Variants in PDCL observed in about 807,000 individuals in gnomAD.
PDCL encodes the protein phosducin-like protein.
A neutral mutation model predicts 26.7 loss-of-function variants in PDCL; 11 were observed. The observed-to-expected ratio is 0.41, with a 90% CI of 0.26 to 0.68. The LOEUF is 0.68. Ranked by LOEUF, PDCL falls within the 30% of genes least tolerant of loss-of-function variation. The pLI, the probability that PDCL is intolerant of heterozygous loss-of-function variation, is 0.30. For synonymous variants in PDCL, 118 were observed against 134.9 expected (o/e 0.87, Z 0.87); for missense variants, 330 against 371.6 (o/e 0.89, Z 0.92).
intron 2 of PDCL, among the ~76,000 whole-genome samples, chr9:122,823,918 C>A (rs762324926): frequency 6.1e-4 from 93 of 152,100 alleles, no homozygotes; most frequent in African/African-American, 1.5e-3. Context: ...TACAGGCATG[C>A]GCCACCATGC....
At position 122,820,270 on chromosome 9, in the gene PDCL, C is replaced by G; in HGVS notation, c.721G>C (p.Gly241Arg). The change falls in exon 4 of 4, where the codon GGG becomes CGG. Residue 241 changes from glycine to arginine, a missense_variant. Gly to Arg is a moderately radical substitution (Grantham distance 125). Coordinates refer to ENST00000259467, the MANE Select transcript of PDCL (RefSeq NM_005388.5). ...ACAAAATTGCCGATCAATTCACCCC[C>G]CTTATAGATCAGCAGGGCAGGAAGG... ...NALPALLIYK[G>R]GELIGNFVRV... The G allele has an allele frequency of 1.2e-6, 2 of 1,614,164 alleles. No homozygotes were observed. The highest frequency in any genetic ancestry group is 1.7e-6 in the Non-Finnish European group (2 of 1,180,038).
Position 122,826,755 on chromosome 9 carries a change from C to T in PDCL, c.33G>A (p.Glu11=), listed in dbSNP as rs778145054. 28 of 1,614,116 alleles carry T rather than the reference C, an allele frequency of 1.7e-5. No individual in the cohort carries two copies. The Middle Eastern group carries it at 1.8e-3, about 105-fold the overall frequency. Reference sequence around the variant, plus strand: ...TGCTGCTATAGTAGTACTGCAGTTTCTCCCCCAGCAACTTATCATCAAGGG... The same window carrying T: ...TGCTGCTATAGTAGTACTGCAGTTTTTCCCCCAGCAACTTATCATCAAGGG... The part of the protein sequence containing the change: MTTLDDKLLG[E]KLQYYYSSSE... Residue 11 remains glutamate (E), a synonymous_variant, in exon 2 of 4, where the codon GAG becomes GAA. Coordinates refer to ENST00000259467, the MANE Select transcript of PDCL (RefSeq NM_005388.5).
chr9:122,820,896 G>A (rs1395674749), intron 3 of PDCL: 6 of 388,666 alleles, frequency 1.5e-5, no homozygotes, highest in Non-Finnish European at 2.3e-5. Flanking sequence ...ACTGGAGGCT[G>A]AGGCACAACA....
rs1181921618 is a variant in PDCL, at chr9:122,826,701, G to C, written c.87C>G (p.Asp29Glu). The stretch of plus-strand genomic sequence containing the variant: ...CTGGGGCACATCTGCCTCGGTCCTT[G>C]TCCTCGTGGTCACTGTCCTCATCCT... ...SSEDEDSDHE[D>E]KDRGRCAPAS... is the part of the protein sequence containing the mutation. The change falls in exon 2 of 4, where the codon GAC (aspartate) becomes GAG (glutamate). Residue 29 changes from aspartate (D) to glutamate (E), a missense_variant. Physicochemically the swap from Asp to Glu is conservative, Grantham distance 45 (BLOSUM62 2). Transcript: ENST00000259467. The C allele has an allele frequency of 6.2e-7, 1 of 1,614,064 alleles. No homozygotes were observed. The highest frequency in any genetic ancestry group is 8.5e-7 in the Non-Finnish European group (1 of 1,180,044).
chr9:122,820,484 C>T lies in PDCL; in HGVS notation c.507G>A (p.Gly169=). Residue 169 remains glycine (G), a synonymous_variant, in exon 4 of 4, where the codon GGG becomes GGA. Transcript: ENST00000259467. ...GTTCTTTATCAATCATGTCTAAAAA[C>T]CCTTCTCCACTGGAGATCTCAAAAA... The part of the protein sequence containing the change: ...KQVFEISSGE[G]FLDMIDKEQK... 6.2e-7 allele frequency: 1 copy of T among 1,614,112 alleles called. No individual in the cohort carries two copies.
intron 3 of PDCL, among the ~76,000 whole-genome samples, chr9:122,822,605 T>C (rs1829566746): frequency 6.6e-6 from 1 of 152,174 alleles, no homozygotes; most frequent in South Asian, 2.1e-4. Flanking sequence ...TAATGCCCTC[T>C]AAGCATTGCT....
chr9:122,825,821 G>A (rs144159634), intron 2 of PDCL, among the ~76,000 whole-genome samples: 2 of 152,262 alleles, frequency 1.3e-5, no homozygotes, highest in East Asian at 1.9e-4. Context: ...CCTATGGGAC[G>A]CTGAGGCAGA....
At chr9:122,823,346 G>A (rs1271565966) in intron 2 of PDCL, 149 bp from the exon 3 acceptor site, 2 of 757,224 alleles carry the variant, frequency 2.6e-6, no homozygotes, top group South Asian at 1.7e-5. Flanking sequence ...CTGCCACAGG[G>A]CAGAGTGGCC....
rs956368719 is a variant in PDCL at position 122,828,588 on chromosome 9, C to T, written c.-123G>A. On this transcript the variant is annotated 5_prime_UTR_variant, in exon 1 of 4. Coordinates refer to ENST00000259467, the MANE Select transcript of PDCL (RefSeq NM_005388.5). The stretch of plus-strand genomic sequence containing the variant: ...CGCCCTGAGCGCTAAAGAGAAAAGC[C>T]GCCGAAGCCCGACAGCGCGGACCAA... The T allele has an allele frequency of 6.6e-6, 1 of 152,170 alleles. No individual in the cohort carries two copies. Among genetic ancestry groups the T allele is most frequent in the African/African-American group, 2.4e-5 (1 of 41,434 alleles). 9.4% of individuals were successfully genotyped at this position (152,170 alleles called of 1,614,324 possible). A position where few individuals can be genotyped will look rare whatever the true frequency, so the allele number is the denominator to read the frequency against.
In PDCL at chr9:122,826,672, C is replaced by T. The variant is rs1334226109; in HGVS notation, c.116G>A (p.Ser39Asn). The T allele has an allele frequency of 6.2e-7, 1 of 1,614,092 alleles. No individual in the cohort carries two copies. The highest frequency in any genetic ancestry group is 8.5e-7 in the Non-Finnish European group (1 of 1,180,046). Residue 39 changes from serine (S) to asparagine (N), a missense_variant, in exon 2 of 4, where the codon AGC becomes AAC. By Grantham distance (46) the Ser-to-Asn change is conservative. Transcript: ENST00000259467. ...DKDRGRCAPA[S>N]SSVPAEAELA... Reference sequence around the variant, plus strand: ...CTCAGCCTCTGCAGGCACAGAACTGCTGGCTGGGGCACATCTGCCTCGGTC... The same window carrying T: ...CTCAGCCTCTGCAGGCACAGAACTGTTGGCTGGGGCACATCTGCCTCGGTC...
At chr9:122,826,452 C>A (rs931109702) in intron 2 of PDCL, among the ~76,000 whole-genome samples, 164 bp downstream of exon 2, 1 of 152,138 alleles carries the variant, frequency 6.6e-6, no homozygotes, top group African/African-American at 2.4e-5. Flanking sequence ...GTATTGTGCA[C>A]TAAAAGGCTA....
At position 122,820,132 on chromosome 9, in the gene PDCL, T is replaced by G; in HGVS notation, c.859A>C (p.Asn287His). The G allele has an allele frequency of 6.2e-7, 1 of 1,613,992 alleles. No individual in the cohort carries two copies. Among genetic ancestry groups the G allele is most frequent in the Non-Finnish European group, 8.5e-7 (1 of 1,179,880 alleles). ...KEVLVLTSVR[N>H]SATCHSEDSD... The stretch of plus-strand genomic sequence containing the variant: ...TCCTCACTGTGACACGTGGCAGAGT[T>G]ACGCACAGATGTCAGCACCAAGACT... Residue 287 changes from asparagine (N) to histidine (H), a missense_variant, in exon 4 of 4, where the codon AAC (asparagine) becomes CAC (histidine). Asn to His is a moderately conservative substitution (Grantham distance 68, BLOSUM62 1). Coordinates refer to ENST00000259467, the MANE Select transcript of PDCL (RefSeq NM_005388.5).
chr9:122,823,821 G>A (rs1042765850), intron 2 of PDCL, among the ~76,000 whole-genome samples: 2 of 151,210 alleles, frequency 1.3e-5, no homozygotes, highest in African/African-American at 4.9e-5. Flanking sequence ...CCAGGCTGGG[G>A]TGCAATGGCG....
chr9:122,824,230 A>C (rs190266307), intron 2 of PDCL, among the ~76,000 whole-genome samples: 2 of 152,324 alleles, frequency 1.3e-5, no homozygotes, highest in Non-Finnish European at 2.9e-5. Flanking sequence ...GGATGAGTAC[A>C]TATATCCCCA....
chr9:122,827,923 AAGG>A (rs1369337680), intron 1 of PDCL, among the ~76,000 whole-genome samples: 8 of 152,018 alleles, frequency 5.3e-5, no homozygotes, highest in African/African-American at 1.9e-4. Flanking sequence ...CCCACCGGGC[AAGG>A]AGTTCTTGAA....
At position 122,818,778 on chromosome 9, in the gene PDCL, A is replaced by G. The variant is rs565346134; in HGVS notation, c.*1307T>C. ...CGCAAATGATAATTATTATAAATAC[A>G]TAGAAAAAAAGGCTATAAAAATGAC... On this transcript the variant is annotated 3_prime_UTR_variant, in exon 4 of 4. Coordinates refer to ENST00000259467, the MANE Select transcript of PDCL (RefSeq NM_005388.5). 127 of 152,206 alleles carry G rather than the reference A, an allele frequency of 8.3e-4. No homozygotes were observed. The highest frequency in any genetic ancestry group is 3.0e-3 in the African/African-American group (124 of 41,564). The allele number at this position is 152,206 out of a possible 1,614,324, so 9.4% of individuals were successfully genotyped here.
chr9:122,825,775 T>C (rs577785314), intron 2 of PDCL, among the ~76,000 whole-genome samples: 2 of 152,174 alleles, frequency 1.3e-5, no homozygotes, highest in Non-Finnish European at 2.9e-5. Context: ...AGGTTCCCTC[T>C]TAAAAATAAA....
Position 122,823,057 on chromosome 9 carries a change from GCTC to G in PDCL, c.310_312del (p.Glu104del), listed in dbSNP as rs762263402. ...TCCTGGAGGTCTTTCTGTTTCTGTT[GCTC>G]CTCCTCTTCATCCAGATGGGACCTG... On this transcript the variant is annotated inframe_deletion, in exon 3 of 4. Transcript: ENST00000259467. The G allele has an allele frequency of 1.9e-6, 3 of 1,614,106 alleles. No individual in the cohort carries two copies. The highest frequency in any genetic ancestry group is 2.5e-6 in the Non-Finnish European group (3 of 1,180,006).
At chr9:122,827,101 T>C (rs889694901) in intron 1 of PDCL, among the ~76,000 whole-genome samples, 12 of 152,190 alleles carry the variant, frequency 7.9e-5, no homozygotes, top group African/African-American at 2.7e-4. Context: ...TAAATTACTC[T>C]AGTCTGAGTT....
Sources: gnomAD v4.1 joint callset for allele counts (sites outside exome capture counted in the v4.1 genomes callset) on GRCh38, gnomAD v4.1.1 for gene constraint, MANE v1.5 for transcripts, NCBI Gene and HGNC (gene_info 2026-07-23, HGNC 2026-07-21) for gene names.